The following TMEM230 variants were observed in gnomAD, a reference collection of about 807,000 sequenced individuals.
The protein encoded by TMEM230 is UPF0414 transmembrane protein C20orf30.
A neutral mutation model predicts 15.8 loss-of-function variants in TMEM230; 10 were observed. That is an observed-to-expected ratio of 0.63 (90% CI 0.39 to 1.07). The LOEUF (loss-of-function observed/expected upper bound fraction) is 1.07, where lower values mean the gene tolerates loss of function less well. TMEM230 is among the 50% of genes least tolerant of loss of function. The pLI is 0.01. For synonymous variants in TMEM230, 67 were observed against 76.9 expected, an observed-to-expected ratio of 0.87 and a Z score of 0.68; for missense variants, 165 against 193.3, an observed-to-expected ratio of 0.85 and a Z score of 0.87.
chr20:5,081,535 T>C (rs943621318), intron 3 of TMEM230, among the ~76,000 whole-genome samples: 12 of 152,086 alleles, frequency 7.9e-5, no homozygotes, highest in African/African-American at 2.9e-4. Context: ...TCCCACGAAG[T>C]AGGCACACAC....
intron 3 of TMEM230, among the ~76,000 whole-genome samples, chr20:5,087,013 T>G (rs1199560366): frequency 6.6e-6 from 1 of 152,076 alleles, no homozygotes; most frequent in Non-Finnish European, 1.5e-5. Flanking sequence ...CGCTGGGACT[T>G]CAGGCATGCA....
At chr20:5,075,208 G>A (rs2088950723) in intron 3 of TMEM230, among the ~76,000 whole-genome samples, 1 of 151,634 alleles carries the variant, frequency 6.6e-6, no homozygotes, top group African/African-American at 2.4e-5. Flanking sequence ...TGGGATTATA[G>A]GCATACGCCA....
At chr20:5,097,553 C>T (rs1249941581), downstream of TMEM230, among the ~76,000 whole-genome samples, 5 of 152,222 alleles carry the variant, frequency 3.3e-5, no homozygotes, top group African/African-American at 9.6e-5. Context: ...CCCACCTCCC[C>T]CATTTCTTCA....
intron 3 of TMEM230, among the ~76,000 whole-genome samples, chr20:5,081,268 G>A (rs1029482471): frequency 2.0e-5 from 3 of 152,278 alleles, no homozygotes; most frequent in East Asian, 1.9e-4. Flanking sequence ...GTAAGTGGGC[G>A]GTGGGGGATG....
chr20:5,097,222 TG>T (rs1339653378), downstream of TMEM230, among the ~76,000 whole-genome samples: 1 of 152,174 alleles, frequency 6.6e-6, no homozygotes, highest in African/African-American at 2.4e-5. Context: ...ATTTTCCTGT[TG>T]TACCTCCAGC....
At chr20:5,071,243 A>G (rs1360653418) in intron 3 of TMEM230, among the ~76,000 whole-genome samples, 1 of 152,152 alleles carries the variant, frequency 6.6e-6, no homozygotes. Context: ...AATCAAGAAC[A>G]CTCAAAGACA....
intron 3 of TMEM230, among the ~76,000 whole-genome samples, chr20:5,082,030 C>T (rs537034724): frequency 8.0e-5 from 12 of 150,548 alleles, no homozygotes; most frequent in Non-Finnish European, 1.2e-4. Context: ...CCCACCACCA[C>T]GCCTGGCTAA....
intron 1 of TMEM230, 115 bp downstream of exon 1, chr20:5,112,846 A>G (rs2090382580): frequency 6.5e-7 from 1 of 1,541,984 alleles, no homozygotes; most frequent in Admixed American, 2.0e-5. Context: ...GCCAGGGGGG[A>G]CGAATGCCCC....
intron 3 of TMEM230, among the ~76,000 whole-genome samples, chr20:5,090,896 A>G (rs1550700): frequency 0.54 from 82,797 of 152,052 alleles, 23,083 homozygotes; most frequent in East Asian, 0.84. Flanking sequence ...TTCACATGGA[A>G]ATGAAAGTTA....
chr20:5,096,550 C>T (rs962576196), downstream of TMEM230, among the ~76,000 whole-genome samples: 2 of 152,176 alleles, frequency 1.3e-5, no homozygotes, highest in Non-Finnish European at 2.9e-5. Context: ...TACTGTCCTT[C>T]TACCAGGTTC....
intron 3 of TMEM230, among the ~76,000 whole-genome samples, chr20:5,094,693 A>G (rs2089613966): frequency 8.3e-6 from 1 of 120,234 alleles, no homozygotes; most frequent in Non-Finnish European, 1.6e-5. Context: ...GGACAGAGCT[A>G]GACTCCATCT....
At chr20:5,088,585 T>G (rs1034189551) in intron 3 of TMEM230, among the ~76,000 whole-genome samples, 5 of 152,044 alleles carry the variant, frequency 3.3e-5, no homozygotes, top group Admixed American at 6.6e-5. Flanking sequence ...TGATCACAGC[T>G]GACTGCAGTC....
At chr20:5,099,093 AG>A (rs1218935530), downstream of TMEM230, among the ~76,000 whole-genome samples, 1 of 151,998 alleles carries the variant, frequency 6.6e-6, no homozygotes, top group Non-Finnish European at 1.5e-5. Flanking sequence ...TGGGAGGCAA[AG>A]GTGGGAAGAT....
At chr20:5,088,282 C>G (rs888669073) in intron 3 of TMEM230, among the ~76,000 whole-genome samples, 1 of 144,954 alleles carries the variant, frequency 6.9e-6, no homozygotes, top group Non-Finnish European at 1.5e-5. Context: ...GTACTCCAGC[C>G]TGGGCAACGG....
chr20:5,079,929 AT>A (rs1380900860), intron 3 of TMEM230, among the ~76,000 whole-genome samples: 1 of 152,054 alleles, frequency 6.6e-6, no homozygotes, highest in Non-Finnish European at 1.5e-5. Flanking sequence ...TAACTTTTGT[AT>A]TTTTAGTTTA....
chr20:5,068,920 C>G (rs1015873879), exon 4 of TMEM230: 3 of 379,836 alleles, frequency 7.9e-6, no homozygotes, highest in Admixed American at 4.4e-5. Context: ...TCCTCCTACC[C>G]TCAGGAACAG....
At chr20:5,061,482 G>C in the TMEM230 span, 1 of 152,304 alleles carries the variant, frequency 6.6e-6, no homozygotes, top group Non-Finnish European at 1.5e-5. Context: ...CACAAGGAAG[G>C]CTGGGAAGTG....
the TMEM230 span, among the ~76,000 whole-genome samples, chr20:5,060,332 C>CTTTTTT: frequency 2.5e-4 from 26 of 102,916 alleles, no homozygotes; most frequent in Non-Finnish European, 3.4e-4. Flanking sequence ...AGTGTATTGT[C>CTTTTTT]TTTTTTTTTT....
rs559549185 is a variant in TMEM230, at chr20:5,084,293, G to A, written c.223-14944C>T. Among the ~76,000 whole-genome samples, 834 of 142,090 alleles carry A rather than the reference G, an allele frequency of 5.9e-3. 5 individuals are homozygous for A. Among genetic ancestry groups the A allele is most frequent in the Non-Finnish European group, 8.1e-3 (530 of 65,694 alleles). The allele number at this position is 142,090 out of a possible 152,430, so 93.2% of individuals were successfully genotyped here. On this transcript the variant is annotated intron_variant, in intron 3 of 3. Transcript: ENST00000612323. ...GGCTGGAGTGTAGTGGCACAATCTC[G>A]GCTCACTGCAACCTCCACCTCTTGG...
Sources: allele counts gnomAD v4.1 joint callset (sites outside exome capture counted in the v4.1 genomes callset), GRCh38; gene constraint gnomAD v4.1.1; transcripts MANE v1.5; gene names NCBI Gene and HGNC (gene_info 2026-07-23, HGNC 2026-07-21).